SPATA16: variants seen among roughly 807,000 people sequenced by gnomAD.
The protein encoded by SPATA16 is spermatogenesis-associated protein 16.
SPATA16 carries 36 observed loss-of-function variants against 63.3 expected under a neutral mutation model. That is an observed-to-expected ratio of 0.57 (90% CI 0.44 to 0.75). SPATA16 has a LOEUF of 0.75. Ranked by LOEUF, SPATA16 falls within the 30% of genes least tolerant of loss-of-function variation. The probability of loss-of-function intolerance (pLI) is 0.00; values close to 1 mark genes in which losing one functional copy is unlikely to be tolerated. For synonymous variants in SPATA16, 203 were observed against 216.7 expected (o/e 0.94, Z 0.56); for missense variants, 646 against 679.3 (o/e 0.95, Z 0.54).
intron 8 of SPATA16, among the ~76,000 whole-genome samples, chr3:172,919,240 A>G (rs1732567038): frequency 6.6e-6 from 1 of 152,228 alleles, no homozygotes; most frequent in African/African-American, 2.4e-5. Flanking sequence ...ACAGCAGCCA[A>G]TAAAGTTAAT....
intron 3 of SPATA16, among the ~76,000 whole-genome samples, chr3:173,047,832 C>G (rs903351452): frequency 1.3e-5 from 2 of 151,872 alleles, no homozygotes; most frequent in African/African-American, 2.4e-5. Flanking sequence ...GAATCTGCCT[C>G]TATGTTTTGT....
At chr3:173,076,196 C>T (rs372113111) in intron 2 of SPATA16, among the ~76,000 whole-genome samples, 4 of 151,786 alleles carry the variant, frequency 2.6e-5, no homozygotes, top group South Asian at 2.1e-4. Context: ...TTTAAGTTCG[C>T]GAAATCAGGC....
intron 4 of SPATA16, among the ~76,000 whole-genome samples, chr3:172,991,615 T>C (rs1228213984): frequency 6.6e-6 from 1 of 152,230 alleles, no homozygotes; most frequent in African/African-American, 2.4e-5. Flanking sequence ...GAAATTGTGC[T>C]TTCCAAACTC....
intron 2 of SPATA16, among the ~76,000 whole-genome samples, chr3:173,113,553 A>G (rs1348767381): frequency 2.0e-5 from 3 of 152,262 alleles, no homozygotes; most frequent in African/African-American, 7.2e-5. Flanking sequence ...TTTGGAAGTT[A>G]AACTGTTGTC....
chr3:173,027,833 T>C (rs1011920633), intron 3 of SPATA16, among the ~76,000 whole-genome samples: 6 of 151,916 alleles, frequency 3.9e-5, no homozygotes, highest in African/African-American at 1.4e-4. Context: ...CCCAGAGACA[T>C]ATGTTTTGCT....
chr3:172,978,488 A>C (rs1029204729), intron 4 of SPATA16, among the ~76,000 whole-genome samples: 11 of 152,206 alleles, frequency 7.2e-5, no homozygotes, highest in African/African-American at 2.7e-4. Context: ...ATTTAATAGA[A>C]ATTCATTTAA....
At position 173,058,114 on chromosome 3, in the gene SPATA16, T is replaced by C. The variant is rs117815683; in HGVS notation, c.613-9020A>G. Among the ~76,000 whole-genome samples the C allele has an allele frequency of 2.0e-3, 309 of 152,310 alleles. 3 individuals are homozygous for C. In the East Asian group the frequency reaches 0.036, roughly 18 times the overall value. ...GTGACTAAATCTATATGAATTTCTA[T>C]CTATCTCTATCCATCCATTTACAAA... On this transcript the variant is annotated intron_variant, in intron 2 of 10. Coordinates refer to ENST00000351008, the MANE Select transcript of SPATA16 (RefSeq NM_031955.6).
In SPATA16 at chr3:173,117,491, C is replaced by G. The variant is rs1737937037; in HGVS notation, c.241G>C (p.Ala81Pro). 1.2e-6 allele frequency: 2 copies of G among 1,614,156 alleles called. No homozygotes were observed. Among genetic ancestry groups the G allele is most frequent in the Middle Eastern group, 1.6e-4 (1 of 6,062 alleles). Residue 81 changes from alanine (A) to proline (P), a missense_variant, in exon 2 of 11, where the codon GCC becomes CCC. By Grantham distance (27) the Ala-to-Pro change is conservative. Transcript: ENST00000351008. ...EKQSNDLEKA[A>P]FKRKAEGEEK... The stretch of plus-strand genomic sequence containing the variant: ...TCACCTTCTGCCTTCCGTTTAAAGG[C>G]TGCTTTCTCTAAATCATTGCTTTGT...
intron 6 of SPATA16, among the ~76,000 whole-genome samples, chr3:172,954,826 C>G (rs1733533698): frequency 6.6e-6 from 1 of 152,170 alleles, no homozygotes; most frequent in Admixed American, 6.6e-5. Context: ...ATTGTTAACC[C>G]AAAGCACAGT....
intron 5 of SPATA16, among the ~76,000 whole-genome samples, chr3:172,962,059 C>T (rs2108239938): frequency 6.6e-6 from 1 of 152,088 alleles, no homozygotes; most frequent in Admixed American, 6.5e-5. Flanking sequence ...TCGAAACCAG[C>T]ATGGCCAACA....
chr3:173,021,875 T>C (rs1200647208), intron 3 of SPATA16, among the ~76,000 whole-genome samples: 1 of 152,108 alleles, frequency 6.6e-6, no homozygotes, highest in Non-Finnish European at 1.5e-5. Flanking sequence ...CCTTACTGAA[T>C]GGATGTTTCC....
intron 3 of SPATA16, among the ~76,000 whole-genome samples, chr3:173,025,503 A>G (rs1037307319): frequency 1.3e-5 from 2 of 151,874 alleles, no homozygotes; most frequent in Non-Finnish European, 2.9e-5. Flanking sequence ...TCACTTTTTA[A>G]AAGTATATAG....
intron 5 of SPATA16, among the ~76,000 whole-genome samples, chr3:172,974,707 C>A (rs1018809143): frequency 6.6e-6 from 1 of 152,064 alleles, no homozygotes; most frequent in Non-Finnish European, 1.5e-5. Flanking sequence ...CTTTTTCCCT[C>A]AAAATTGGTG....
Position 173,116,700 on chromosome 3 carries a change from A to T in SPATA16, c.612+420T>A, listed in dbSNP as rs1330531482. ...GTAAAGATGGTTATGTTTAATCATG[A>T]GGATACTACATATCAAAAGTGGACA... On this transcript the variant is annotated intron_variant, in intron 2 of 10. Transcript: ENST00000351008. 2.0e-5 allele frequency among the ~76,000 whole-genome samples: 3 copies of T among 152,240 alleles called. No individual in the cohort carries two copies. The East Asian group carries it at 5.8e-4, about 29-fold the overall frequency.
chr3:172,982,754 G>A (rs1734350294), intron 4 of SPATA16, among the ~76,000 whole-genome samples: 1 of 152,118 alleles, frequency 6.6e-6, no homozygotes, highest in Non-Finnish European at 1.5e-5. Context: ...AAAGGATTAT[G>A]AGTACAAGCA....
At chr3:173,093,124 G>C (rs1737266327) in intron 2 of SPATA16, among the ~76,000 whole-genome samples, 1 of 150,256 alleles carries the variant, frequency 6.7e-6, no homozygotes, top group African/African-American at 2.5e-5. Flanking sequence ...ATCTCTTTCT[G>C]TTTTGGGTGA....
At chr3:172,941,793 A>G (rs917095354) in intron 6 of SPATA16, among the ~76,000 whole-genome samples, 5 of 152,206 alleles carry the variant, frequency 3.3e-5, no homozygotes, top group Admixed American at 6.5e-5. Flanking sequence ...AAACACATTT[A>G]TGACCATAAT....
At chr3:173,091,141 TGA>T (rs1737212024) in intron 2 of SPATA16, among the ~76,000 whole-genome samples, 1 of 152,204 alleles carries the variant, frequency 6.6e-6, no homozygotes. Context: ...TTTTTTCTTC[TGA>T]CCTAGCTCCT....
chr3:172,989,594 A>G (rs1173933738), intron 4 of SPATA16, among the ~76,000 whole-genome samples: 1 of 152,166 alleles, frequency 6.6e-6, no homozygotes, highest in Non-Finnish European at 1.5e-5. Context: ...CAGTTTCATC[A>G]TAGTACAATG....
Sources: allele counts gnomAD v4.1 joint callset (sites outside exome capture counted in the v4.1 genomes callset), GRCh38; gene constraint gnomAD v4.1.1; transcripts MANE v1.5; gene names NCBI Gene and HGNC (gene_info 2026-07-23, HGNC 2026-07-21).